The following PSD3 variants were observed in gnomAD, a reference collection of about 807,000 sequenced individuals.
The protein encoded by PSD3 is PH and SEC7 domain-containing protein 3.
In PSD3, 49 loss-of-function variants were observed where a neutral mutation model predicts 105.5. The ratio of observed to expected loss-of-function variants is 0.46; its 90% CI spans 0.37 to 0.59. The LOEUF is 0.59. Among genes scored for constraint, PSD3 ranks in the 20% least tolerant of loss-of-function variants. The probability of loss-of-function intolerance (pLI) is 0.00; values close to 1 mark genes in which losing one functional copy is unlikely to be tolerated. For missense variants in PSD3, 1,561 were observed against 1,263.8 expected (o/e 1.24, Z -3.57); for synonymous variants, 557 against 457.8 (o/e 1.22, Z -2.77).
chr8:18,694,610 CG>C (rs1462164647), intron 9 of PSD3, among the ~76,000 whole-genome samples: 4 of 27,732 alleles, frequency 1.4e-4, no homozygotes, highest in South Asian at 1.2e-3. Flanking sequence ...ACTGCATCTC[CG>C]AAAAAAAAAA....
chr8:18,965,969 C>G (rs1382429024), intron 1 of PSD3, among the ~76,000 whole-genome samples: 2 of 152,186 alleles, frequency 1.3e-5, no homozygotes. Flanking sequence ...CTAAAATGAT[C>G]TCATTAATCC....
chr8:19,042,834 C>T (rs1447891299), intron 1 of PSD3, among the ~76,000 whole-genome samples: 2 of 152,170 alleles, frequency 1.3e-5, no homozygotes, highest in African/African-American at 2.4e-5. Flanking sequence ...AAAAACTGTA[C>T]TTCCTAAAAA....
At chr8:19,059,912 T>C (rs1277564326) in intron 1 of PSD3, among the ~76,000 whole-genome samples, 2 of 152,204 alleles carry the variant, frequency 1.3e-5, no homozygotes, top group Non-Finnish European at 2.9e-5. Flanking sequence ...CTTTGCTCTG[T>C]GCAGAGAGCT....
intron 6 of PSD3, 62 bp downstream of exon 6, chr8:18,804,460 T>G (rs1811013696): frequency 7.1e-7 from 1 of 1,399,986 alleles, no homozygotes; most frequent in African/African-American, 1.4e-5. Context: ...AAGACATTAC[T>G]TTCTTCTCTA....
intron 2 of PSD3, among the ~76,000 whole-genome samples, chr8:18,909,526 C>A (rs1259945672): frequency 1.3e-5 from 2 of 152,168 alleles, no homozygotes; most frequent in African/African-American, 4.8e-5. Flanking sequence ...GTCACCCAGG[C>A]TGGAGTGCAG....
Position 18,553,942 on chromosome 8 carries a change from C to T in PSD3, c.2928+2267G>A, listed in dbSNP as rs1050559257. On this transcript the variant is annotated intron_variant, in intron 15 of 15. Coordinates refer to ENST00000327040, the MANE Select transcript of PSD3 (RefSeq NM_015310.4). ...GGTCTGATTTTAATGAGTCCTGGAACGCAGTCTGCAAGCTCGCTGAGGTGA... is the reference window on the plus strand; with the variant it reads ...GGTCTGATTTTAATGAGTCCTGGAATGCAGTCTGCAAGCTCGCTGAGGTGA... 9.9e-5 allele frequency among the ~76,000 whole-genome samples: 15 copies of T among 152,046 alleles called. No individual in the cohort carries two copies. In the East Asian group the frequency reaches 1.4e-3, roughly 14 times the overall value.
At chr8:18,846,600 A>C (rs1815109997) in intron 4 of PSD3, among the ~76,000 whole-genome samples, 1 of 152,170 alleles carries the variant, frequency 6.6e-6, no homozygotes. Flanking sequence ...AATGCCAACA[A>C]ATCAGTACAC....
rs552360145 is a variant in PSD3 at position 18,667,777 on chromosome 8, G to A, written c.2173-12092C>T. ...AGGCGGGGCAAGGAGCCCATGGCGG[G>A]GTGGGGGAGGCTCAGGCATGGCGGG... On this transcript the variant is annotated intron_variant, in intron 9 of 15. Coordinates refer to ENST00000327040, the MANE Select transcript of PSD3 (RefSeq NM_015310.4). 1.1e-3 allele frequency among the ~76,000 whole-genome samples: 162 copies of A among 152,310 alleles called. 1 individual carries two copies. The highest frequency in any genetic ancestry group is 3.5e-3 in the African/African-American group (147 of 41,588).
rs1807640587 is a variant in PSD3 at position 18,641,514 on chromosome 8, G to A, written c.2217-8708C>T. Among the ~76,000 whole-genome samples the A allele has an allele frequency of 2.0e-5, 3 of 152,342 alleles. No homozygotes were observed. The South Asian group carries it at 6.2e-4, about 32-fold the overall frequency. On this transcript the variant is annotated intron_variant, in intron 10 of 15. Coordinates refer to ENST00000327040, the MANE Select transcript of PSD3 (RefSeq NM_015310.4). The stretch of plus-strand genomic sequence containing the variant: ...AAGCAGTACAGGATCAGAGAGGAGG[G>A]AAGAGTCTGTATCAAACATGCTAAA...
chr8:18,873,622 T>C (rs1354121857), intron 2 of PSD3, among the ~76,000 whole-genome samples: 2 of 152,210 alleles, frequency 1.3e-5, no homozygotes, highest in Non-Finnish European at 2.9e-5. Flanking sequence ...TTTTCAAGTA[T>C]ACAATACATT....
intron 4 of PSD3, among the ~76,000 whole-genome samples, chr8:18,807,380 G>A (rs1169613731): frequency 1.3e-5 from 2 of 152,072 alleles, no homozygotes; most frequent in Admixed American, 6.5e-5. Flanking sequence ...CACTTTATCG[G>A]CAAGCACCTG....
At chr8:18,903,369 G>A (rs925262830) in intron 2 of PSD3, among the ~76,000 whole-genome samples, 1 of 152,170 alleles carries the variant, frequency 6.6e-6, no homozygotes, top group Non-Finnish European at 1.5e-5. Context: ...GTGAGGCCAG[G>A]TGCAGTGGCA....
At chr8:19,011,667 G>A (rs2129475375) in intron 1 of PSD3, among the ~76,000 whole-genome samples, 2 of 151,840 alleles carry the variant, frequency 1.3e-5, no homozygotes. Context: ...TACATAATAA[G>A]GTATATGTTA....
intron 1 of PSD3, among the ~76,000 whole-genome samples, chr8:18,967,584 G>C (rs1043271770): frequency 2.0e-5 from 3 of 152,160 alleles, no homozygotes; most frequent in Non-Finnish European, 2.9e-5. Flanking sequence ...CCCTGCTGAA[G>C]GCCTTTATGA....
At chr8:18,950,729 T>C (rs1360660942) in intron 1 of PSD3, among the ~76,000 whole-genome samples, 2 of 152,188 alleles carry the variant, frequency 1.3e-5, no homozygotes, top group Admixed American at 1.3e-4. Context: ...ATAATTCATA[T>C]ATTTATATAT....
chr8:19,021,619 G>A (rs549121936), intron 1 of PSD3, among the ~76,000 whole-genome samples: 1 of 150,704 alleles, frequency 6.6e-6, no homozygotes, highest in South Asian at 2.1e-4. Flanking sequence ...TGAAATCCAT[G>A]TAAGTATCAT....
chr8:18,688,379 G>C (rs569939775), intron 9 of PSD3, among the ~76,000 whole-genome samples: 1 of 152,298 alleles, frequency 6.6e-6, no homozygotes, highest in Admixed American at 6.5e-5. Context: ...TTATGGGCGT[G>C]AGCCACTGTG....
intron 2 of PSD3, among the ~76,000 whole-genome samples, chr8:18,916,343 T>TACAC (rs1563416885): frequency 1.7e-4 from 8 of 46,744 alleles, no homozygotes; most frequent in African/African-American, 3.1e-4. Flanking sequence ...TATATATATA[T>TACAC]ATATATACAC....
At chr8:19,078,344 C>T (rs1468114179) in intron 1 of PSD3, among the ~76,000 whole-genome samples, 1 of 152,012 alleles carries the variant, frequency 6.6e-6, no homozygotes, top group African/African-American at 2.4e-5. Flanking sequence ...TAAAAATCTC[C>T]CCAAAGTCTA....
Sources: gnomAD v4.1 joint callset for allele counts (sites outside exome capture counted in the v4.1 genomes callset) on GRCh38, gnomAD v4.1.1 for gene constraint, MANE v1.5 for transcripts, NCBI Gene and HGNC (gene_info 2026-07-23, HGNC 2026-07-21) for gene names.